IRAG2: variants seen among roughly 807,000 people sequenced by gnomAD.
IRAG2 encodes lymphoid restricted membrane protein.
Under a neutral mutation model 69.9 loss-of-function variants are expected in IRAG2, and 45 were observed. The observed-to-expected ratio is 0.64, with a 90% CI of 0.51 to 0.83. The LOEUF (loss-of-function observed/expected upper bound fraction) is 0.83, where lower values mean the gene tolerates loss of function less well. Among genes scored for constraint, IRAG2 ranks in the 40% least tolerant of loss-of-function variants. The probability of loss-of-function intolerance (pLI) is 0.00; values close to 1 mark genes in which losing one functional copy is unlikely to be tolerated. For synonymous variants in IRAG2, 193 were observed against 202.4 expected (o/e 0.95, Z 0.40); for missense variants, 520 against 587.0 (o/e 0.89, Z 1.18).
At chr12:25,095,658 G>A (rs1948371623) in intron 14 of IRAG2, among the ~76,000 whole-genome samples, 1 of 152,142 alleles carries the variant, frequency 6.6e-6, no homozygotes, top group Non-Finnish European at 1.5e-5. Flanking sequence ...GGACTTCATA[G>A]AATGAGCTTG....
At chr12:25,047,849 T>C (rs1038177181), upstream of IRAG2, among the ~76,000 whole-genome samples, 35 of 152,220 alleles carry the variant, frequency 2.3e-4, no homozygotes, top group African/African-American at 8.2e-4. Context: ...ATTTTCGTTA[T>C]CCAGTCTATC....
chr12:25,091,638 C>T (rs1171866480), intron 14 of IRAG2, among the ~76,000 whole-genome samples: 1 of 140,152 alleles, frequency 7.1e-6, no homozygotes, highest in Admixed American at 7.2e-5. Flanking sequence ...AGTGGGCTTG[C>T]TAGGTCATAT....
chr12:25,026,271 A>G (rs925126455), intron 8 of IRAG2, among the ~76,000 whole-genome samples: 1 of 152,202 alleles, frequency 6.6e-6, no homozygotes, highest in African/African-American at 2.4e-5. Flanking sequence ...CCTGTGACCT[A>G]TCTGTTCATG....
intron 14 of IRAG2, chr12:25,093,007 T>C (rs1022202992): frequency 1.3e-5 from 2 of 153,038 alleles, no homozygotes; most frequent in African/African-American, 4.8e-5. Flanking sequence ...CATTCTTCTT[T>C]TTCAGATTTT....
chr12:25,023,992 G>T, intron 8 of IRAG2: 1 of 886,324 alleles, frequency 1.1e-6, no homozygotes, highest in Non-Finnish European at 1.5e-6. Flanking sequence ...ATGGCTGTGG[G>T]TTAAATAAAA....
At chr12:25,078,414 G>C (rs1361168179) in intron 6 of IRAG2, among the ~76,000 whole-genome samples, 1 of 152,158 alleles carries the variant, frequency 6.6e-6, no homozygotes, top group East Asian at 1.9e-4. Context: ...CAGTTAGTAA[G>C]TTCTGATTAT....
intron 5 of IRAG2, among the ~76,000 whole-genome samples, chr12:25,067,902 A>C (rs1344608358): frequency 1.3e-5 from 2 of 151,624 alleles, no homozygotes; most frequent in Non-Finnish European, 2.9e-5. Flanking sequence ...GTGCAGTGGC[A>C]TGATCTCGGC....
At chr12:25,016,826 T>C (rs1944532989) in intron 5 of IRAG2, among the ~76,000 whole-genome samples, 1 of 152,148 alleles carries the variant, frequency 6.6e-6, no homozygotes, top group Non-Finnish European at 1.5e-5. Context: ...ATAGGAACTC[T>C]TCGTTTAGAA....
In IRAG2 at chr12:25,107,052, T is replaced by C; in HGVS notation, c.1256+2T>C. On this transcript the variant is annotated splice_donor_variant, in intron 21 of 21. Coordinates refer to ENST00000556887, the MANE Select transcript of IRAG2 (RefSeq NM_001366544.2). LOFTEE classifies it high-confidence loss of function. ...ATCAAAGTGGGATGTCTCTTCAGTG[T>C]AAGTTATCTACTTGATAAATTCTAC... 1.3e-6 allele frequency: 2 copies of C among 1,517,052 alleles called. No homozygotes were observed. The highest frequency in any genetic ancestry group is 1.8e-6 in the Non-Finnish European group (2 of 1,099,008). The allele number at this position is 1,517,052 out of a possible 1,614,324, so 94.0% of individuals were successfully genotyped here.
chr12:25,046,651 C>T (rs1944796892), intron 16 of IRAG2, among the ~76,000 whole-genome samples: 1 of 151,912 alleles, frequency 6.6e-6, no homozygotes, highest in Non-Finnish European at 1.5e-5. Context: ...ATAAAAACTA[C>T]AAAATATTGA....
At position 25,103,998 on chromosome 12, in the gene IRAG2, T is replaced by C; in HGVS notation, c.997-11T>C. ...TTATCATTTCTTTTAACATTTGAAC[T>C]TCTACTAAAGGTGGCTGGGATGGAA... On this transcript the variant is annotated splice_polypyrimidine_tract_variant and intron_variant, in intron 18 of 21. Transcript: ENST00000556887. The C allele has an allele frequency of 6.2e-7, 1 of 1,612,766 alleles. No individual in the cohort carries two copies.
intron 1 of IRAG2, among the ~76,000 whole-genome samples, chr12:25,057,040 C>T (rs1319953538): frequency 6.6e-6 from 1 of 152,124 alleles, no homozygotes; most frequent in African/African-American, 2.4e-5. Flanking sequence ...TTGCCTTTCA[C>T]CCCACCACCA....
At chr12:25,052,144 T>A (rs906347977), upstream of IRAG2, 11 of 396,092 alleles carry the variant, frequency 2.8e-5, no homozygotes, top group Non-Finnish European at 4.4e-5. Context: ...AAGTTTGAGT[T>A]TGTCATAATT....
chr12:25,034,636 G>C (rs1244948241), intron 13 of IRAG2, among the ~76,000 whole-genome samples: 1 of 152,144 alleles, frequency 6.6e-6, no homozygotes, highest in Non-Finnish European at 1.5e-5. Flanking sequence ...GTTATGCTCA[G>C]AAATGCTTTA....
intron 10 of IRAG2, among the ~76,000 whole-genome samples, chr12:25,084,262 T>G (rs1423520784): frequency 6.6e-6 from 1 of 152,042 alleles, no homozygotes; most frequent in Non-Finnish European, 1.5e-5. Flanking sequence ...TGGTGGTGCT[T>G]GACTGTTGTC....
chr12:25,100,534 A>G (rs1948694942), intron 15 of IRAG2, among the ~76,000 whole-genome samples: 1 of 152,212 alleles, frequency 6.6e-6, no homozygotes, highest in African/African-American at 2.4e-5. Context: ...TAGAATCCCC[A>G]GAGAAAAACC....
chr12:25,065,492 C>A (rs1001923199), intron 4 of IRAG2, among the ~76,000 whole-genome samples: 1 of 152,174 alleles, frequency 6.6e-6, no homozygotes, highest in African/African-American at 2.4e-5. Flanking sequence ...AACCTATTTC[C>A]CCTACCATTC....
At chr12:25,076,446 C>T in intron 6 of IRAG2, 1 of 982,502 alleles carries the variant, frequency 1.0e-6, no homozygotes, top group South Asian at 4.7e-5. Flanking sequence ...TGATATGTAA[C>T]ATAATGGAGG....
intron 6 of IRAG2, among the ~76,000 whole-genome samples, chr12:25,073,336 A>G (rs1261088388): frequency 2.0e-5 from 3 of 152,218 alleles, no homozygotes; most frequent in Admixed American, 6.5e-5. Context: ...ATAGGATTAT[A>G]TACAGTAGCT....
Sources: allele counts gnomAD v4.1 joint callset (sites outside exome capture counted in the v4.1 genomes callset), GRCh38; gene constraint gnomAD v4.1.1; transcripts MANE v1.5; gene names NCBI Gene and HGNC (gene_info 2026-07-23, HGNC 2026-07-21).